The following PIK3CD variants were observed in gnomAD, a reference collection of about 807,000 sequenced individuals.
PIK3CD encodes phosphatidylinositol-4,5-bisphosphate 3-kinase catalytic subunit delta, also known as phosphatidylinositol 4,5-bisphosphate 3-kinase catalytic subunit delta isoform.
PIK3CD carries 20 observed loss-of-function variants against 122.9 expected under a neutral mutation model. The observed-to-expected ratio is 0.16, with a 90% CI of 0.11 to 0.24. The LOEUF is 0.24. PIK3CD is among the 10% of genes least tolerant of loss of function. PIK3CD has a pLI of 1.00. For synonymous variants in PIK3CD, 596 were observed against 593.4 expected (o/e 1.00, Z -0.06); for missense variants, 787 against 1,406.3 (o/e 0.56, Z 7.04).
Position 9,689,031 on chromosome 1 carries a change from T to G in PIK3CD, c.-137-2436T>G, listed in dbSNP as rs1457919325. 6.6e-6 allele frequency among the ~76,000 whole-genome samples: 1 copy of G among 152,206 alleles called. No homozygotes were observed. Among genetic ancestry groups the G allele is most frequent in the Non-Finnish European group, 1.5e-5 (1 of 68,042 alleles). ...ATCAGCTAGGGAACAGCCAGCAGGC[T>G]GGATTTGAGCCCAGAGCCCGGGCTG... On this transcript the variant is annotated intron_variant, in intron 1 of 23. Coordinates refer to ENST00000377346, the MANE Select transcript of PIK3CD (RefSeq NM_005026.5). The surrounding 1 kb of genome is among the most constrained non-coding windows in gnomAD (Gnocchi z 6.1).
At chr1:9,698,049 A>G (rs1646487151) in intron 2 of PIK3CD, among the ~76,000 whole-genome samples, 1 of 152,188 alleles carries the variant, frequency 6.6e-6, no homozygotes, top group African/African-American at 2.4e-5. Context: ...AGAAGAAGAA[A>G]AAAGAAAGAA....
the PIK3CD span, among the ~76,000 whole-genome samples, chr1:9,634,971 C>T: frequency 1.4e-3 from 207 of 152,274 alleles, 2 homozygotes; most frequent in Admixed American, 8.4e-3. Context: ...GATGAGGTCA[C>T]ATTGAACTTG....
chr1:9,712,452 TG>T (rs1435018794), intron 3 of PIK3CD, among the ~76,000 whole-genome samples: 1 of 152,052 alleles, frequency 6.6e-6, no homozygotes, highest in East Asian at 1.9e-4. Flanking sequence ...GGCTAATTTT[TG>T]TATTTTTAGT....
intron 2 of PIK3CD, among the ~76,000 whole-genome samples, chr1:9,701,360 C>CTGAATGATGGAGACAAAACATAAAA (rs1368470019): frequency 2.6e-5 from 4 of 152,140 alleles, no homozygotes; most frequent in Non-Finnish European, 5.9e-5. Flanking sequence ...CTACCTCGGA[C>CTGAATGATGGAGACAAAACATAAAA]TGAATGATGG....
chr1:9,644,516 C>CAAATAAATAAAT, the PIK3CD span, among the ~76,000 whole-genome samples: 573 of 145,550 alleles, frequency 3.9e-3, 1 homozygote, highest in African/African-American at 7.6e-3. Context: ...GACTCCGTCT[C>CAAATAAATAAAT]AAATAAATAA....
Position 9,718,001 on chromosome 1 carries a change from G to A in PIK3CD, c.1020+375G>A, listed in dbSNP as rs1570368321. On this transcript the variant is annotated intron_variant, in intron 8 of 23. Coordinates refer to ENST00000377346, the MANE Select transcript of PIK3CD (RefSeq NM_005026.5). This position sits in a 1 kb window ranked among gnomAD's most constrained non-coding sequence, Gnocchi z 7.2. ...TGGTGCTCCCTGGAGGCACCAGGGC[G>A]GTGCCTGCAGCCTGTGAGGGCTGCA... is the stretch of plus-strand genomic sequence containing the variant. 18 of 459,810 alleles carry A rather than the reference G, an allele frequency of 3.9e-5. 1 individual carries two copies. Among genetic ancestry groups the A allele is most frequent in the South Asian group, 1.9e-4 (11 of 57,148 alleles). The allele number at this position is 459,810 out of a possible 1,614,324, so 28.5% of individuals were successfully genotyped here.
the PIK3CD span, among the ~76,000 whole-genome samples, chr1:9,634,234 A>C: frequency 6.8e-6 from 1 of 146,716 alleles, no homozygotes; most frequent in East Asian, 2.1e-4. Context: ...GCTCACTACA[A>C]CCTCCGCCTT....
chr1:9,699,544 C>G (rs1264580749), intron 2 of PIK3CD, among the ~76,000 whole-genome samples: 1 of 152,140 alleles, frequency 6.6e-6, no homozygotes, highest in Admixed American at 6.5e-5. Context: ...TCACCCTCTC[C>G]CAGTCACGCC....
In PIK3CD at chr1:9,727,267, G is replaced by C; in HGVS notation, c.*221G>C. Reference sequence around the variant, plus strand: ...CTCCTTCATGCAGCGGCGGTGCTGGGCCCCCCGAGGCTGCACCTGGCTCTC... The same window carrying C: ...CTCCTTCATGCAGCGGCGGTGCTGGCCCCCCCGAGGCTGCACCTGGCTCTC... On this transcript the variant is annotated 3_prime_UTR_variant, in exon 24 of 24. Coordinates refer to ENST00000377346, the MANE Select transcript of PIK3CD (RefSeq NM_005026.5). 3.4e-6 allele frequency: 2 copies of C among 588,194 alleles called. No individual in the cohort carries two copies. Among genetic ancestry groups the C allele is most frequent in the Non-Finnish European group, 6.0e-6 (2 of 331,546 alleles). 36.4% of individuals were successfully genotyped at this position (588,194 alleles called of 1,614,324 possible). A position where few individuals can be genotyped will look rare whatever the true frequency, so the allele number is the denominator to read the frequency against.
chr1:9,641,398 G>A, the PIK3CD span, among the ~76,000 whole-genome samples: 1 of 152,150 alleles, frequency 6.6e-6, no homozygotes, highest in East Asian at 1.9e-4. Flanking sequence ...CCCCAGCCCT[G>A]GGTCAGAGGG....
rs763994711 is a variant in PIK3CD, at chr1:9,721,238, C to T, written c.1801C>T (p.Arg601Trp). ...HVGSFAIKSL[R>W]KLTDDELFQY... is the part of the protein sequence containing the mutation. ...AGGCTCCTTCGCCATCAAGTCGCTG[C>T]GGAAACTGACGTGAGTCCCAGCTGG... is the stretch of plus-strand genomic sequence containing the variant. Residue 601 changes from arginine to tryptophan, a missense_variant, in exon 14 of 24, where the codon CGG becomes TGG. Physicochemically the swap from Arg to Trp is moderately radical, Grantham distance 101. Around this residue, in one of 6 missense-constraint regions of PIK3CD, gnomAD observed 592 missense variants for 920.6 expected, o/e 0.64. Coordinates refer to ENST00000377346, the MANE Select transcript of PIK3CD (RefSeq NM_005026.5). 1.2e-5 allele frequency: 19 copies of T among 1,613,346 alleles called. No individual in the cohort carries two copies. Among genetic ancestry groups the T allele is most frequent in the South Asian group, 5.5e-5 (5 of 91,088 alleles).
rs1369619106 is a variant in PIK3CD, at chr1:9,715,240, C to T, written c.142-301C>T. Among the ~76,000 whole-genome samples the T allele has an allele frequency of 2.0e-5, 3 of 152,188 alleles. No individual in the cohort carries two copies. The highest frequency in any genetic ancestry group is 6.5e-5 in the Admixed American group (1 of 15,280). ...AGCTGGGCTGCATGAAGGTCATGGC[C>T]CCCCGTCTCTGGAGTGACCTAGGGT... On this transcript the variant is annotated intron_variant, in intron 3 of 23. Coordinates refer to ENST00000377346, the MANE Select transcript of PIK3CD (RefSeq NM_005026.5). The surrounding 1 kb of genome is among the most constrained non-coding windows in gnomAD (Gnocchi z 4.1).
At chr1:9,636,212 G>A in the PIK3CD span, among the ~76,000 whole-genome samples, 485 of 152,118 alleles carry the variant, frequency 3.2e-3, 2 homozygotes, top group African/African-American at 0.011. Context: ...TTTTTGGGGG[G>A]GGACATGGTC....
intron 2 of PIK3CD, among the ~76,000 whole-genome samples, chr1:9,692,227 C>T (rs571182356): frequency 8.3e-4 from 126 of 152,294 alleles, no homozygotes; most frequent in African/African-American, 2.8e-3. Flanking sequence ...CTGCCGGTCC[C>T]CTTGCAAGCT....
At position 9,654,680 on chromosome 1, in the gene PIK3CD, C is replaced by T. The variant is rs1242227588; in HGVS notation, c.-138+2878C>T. The T allele has an allele frequency of 1.1e-5, 4 of 351,244 alleles. No homozygotes were observed. In the East Asian group the frequency reaches 2.3e-4, roughly 20 times the overall value. The allele number at this position is 351,244 out of a possible 1,614,324, so 21.8% of individuals were successfully genotyped here. ...CCATTTTTGTGTAGAGAGCAGTTCC[C>T]GCCCTCCCTGAGGCCAGCTGCCGGT... On this transcript the variant is annotated intron_variant, in intron 1 of 23. Coordinates refer to ENST00000377346, the MANE Select transcript of PIK3CD (RefSeq NM_005026.5).
rs1454291091 is a variant in PIK3CD, at chr1:9,718,838, C to T, written c.1165C>T (p.Arg389Cys). Residue 389 changes from arginine to cysteine, a missense_variant, in exon 9 of 24, where the codon CGT (arginine) becomes TGT (cysteine). Around this residue, in one of 6 missense-constraint regions of PIK3CD, gnomAD observed 592 missense variants for 920.6 expected, o/e 0.64. Transcript: ENST00000377346. This position sits in a 1 kb window ranked among gnomAD's most constrained non-coding sequence, Gnocchi z 7.2. Reference protein sequence around the residue: ...INICDLPRMARLCFALYAVIE... With the variant: ...INICDLPRMACLCFALYAVIE... ...CATCTGCGACCTGCCCCGCATGGCC[C>T]GTCTCTGCTTTGCGCTGTACGCCGT... 9 of 1,612,892 alleles carry T rather than the reference C, an allele frequency of 5.6e-6. No individual in the cohort carries two copies. The highest frequency in any genetic ancestry group is 3.3e-5 in the South Asian group (3 of 91,084).
At chr1:9,661,965 C>T (rs890949446) in intron 1 of PIK3CD, among the ~76,000 whole-genome samples, 1 of 151,856 alleles carries the variant, frequency 6.6e-6, no homozygotes. Flanking sequence ...CACTGCACTC[C>T]AGCCTGGGTG....
intron 1 of PIK3CD, among the ~76,000 whole-genome samples, chr1:9,686,609 C>T (rs1466936739): frequency 2.0e-5 from 3 of 152,188 alleles, no homozygotes; most frequent in African/African-American, 7.2e-5. Context: ...CTGCCCTGGC[C>T]TCCCAAAGTG....
intron 2 of PIK3CD, among the ~76,000 whole-genome samples, chr1:9,706,298 C>T (rs532772340): frequency 6.7e-6 from 1 of 149,218 alleles, no homozygotes; most frequent in East Asian, 2.0e-4. Context: ...CGAGACCAAC[C>T]TGGGCAACAT....
Sources: gnomAD v4.1 joint callset for allele counts (sites outside exome capture counted in the v4.1 genomes callset) on GRCh38, gnomAD v4.1.1 for gene constraint, gnomAD v4.1.1 regional missense constraint, Gnocchi (gnomAD v3.1) non-coding constraint, MANE v1.5 for transcripts, NCBI Gene and HGNC (gene_info 2026-07-23, HGNC 2026-07-21) for gene names.